Variants in ANKAR observed in about 807,000 individuals in gnomAD.
The protein encoded by ANKAR is ankyrin and armadillo repeat-containing protein.
In ANKAR, 136 loss-of-function variants were observed where a neutral mutation model predicts 146.2. That is an observed-to-expected ratio of 0.93 (90% CI 0.81 to 1.07). The LOEUF (loss-of-function observed/expected upper bound fraction) is 1.07, where lower values mean the gene tolerates loss of function less well. ANKAR is among the 50% of genes least tolerant of loss of function. ANKAR has a pLI of 0.00. For missense variants in ANKAR, 1,567 were observed against 1,679.9 expected, an observed-to-expected ratio of 0.93 and a Z score of 1.18; for synonymous variants, 500 against 575.8, an observed-to-expected ratio of 0.87 and a Z score of 1.88.
At chr2:189,733,085 T>C in intron 16 of ANKAR, 22 bp from the exon 17 acceptor site, 1 of 1,588,968 alleles carries the variant, frequency 6.3e-7, no homozygotes, top group Non-Finnish European at 8.6e-7. Flanking sequence ...TGAAAAGTAA[T>C]TTCTGAAAAC....
chr2:189,695,668 A>C (rs999734546), intron 6 of ANKAR, among the ~76,000 whole-genome samples: 2 of 152,248 alleles, frequency 1.3e-5, no homozygotes, highest in African/African-American at 4.8e-5. Context: ...ACCAGCTTCA[A>C]AGGTTAGACT....
intron 7 of ANKAR, among the ~76,000 whole-genome samples, chr2:189,697,887 T>C (rs1010622009): frequency 1.5e-4 from 3 of 19,674 alleles, no homozygotes; most frequent in African/African-American, 3.0e-4. Context: ...AGGTCTGCTT[T>C]TAATGCGTTG....
intron 10 of ANKAR, among the ~76,000 whole-genome samples, chr2:189,716,298 GACAA>G (rs2040453994): frequency 6.6e-6 from 1 of 152,086 alleles, no homozygotes; most frequent in Non-Finnish European, 1.5e-5. Context: ...ACCAATAATA[GACAA>G]ACAGAGAGCC....
rs73048424 is a variant in ANKAR, at chr2:189,684,303, T to A, written c.602-5224T>A. Among the ~76,000 whole-genome samples the A allele has an allele frequency of 8.4e-3, 1,274 of 152,208 alleles. 20 individuals carry two copies. Among genetic ancestry groups the A allele is most frequent in the African/African-American group, 0.028 (1,176 of 41,526 alleles). ...TCCACTTTCTTCCTAGGGTTATTGC[T>A]ACTCATTTTTTGAGACTTGATTCAG... On this transcript the variant is annotated intron_variant, in intron 2 of 22. Coordinates refer to ENST00000684021, the MANE Select transcript of ANKAR (RefSeq NM_001378068.1).
intron 22 of ANKAR, 70 bp from the exon 23 acceptor site, chr2:189,746,309 CA>C (rs748532746): frequency 2.9e-5 from 42 of 1,445,072 alleles, no homozygotes; most frequent in African/African-American, 5.7e-5. Context: ...AATAGAACTA[CA>C]TAGAAGTAGA....
At position 189,709,135 on chromosome 2, in the gene ANKAR, CT is replaced by C. The variant is rs1435494783; in HGVS notation, c.2120-1913del. On this transcript the variant is annotated intron_variant, in intron 9 of 22. Coordinates refer to ENST00000684021, the MANE Select transcript of ANKAR (RefSeq NM_001378068.1). ...ATAAATAAATAAATAAGGAAATTAC[CT>C]GTTTAAAAAAAAAGAGACACGACCA... is the stretch of plus-strand genomic sequence containing the variant. 2.1e-5 allele frequency among the ~76,000 whole-genome samples: 3 copies of C among 143,758 alleles called. No individual in the cohort carries two copies. In the South Asian group the frequency reaches 6.5e-4, roughly 31 times the overall value. The allele number at this position is 143,758 out of a possible 152,430, so 94.3% of individuals were successfully genotyped here.
At chr2:189,738,845 G>A (rs1207807438) in intron 19 of ANKAR, among the ~76,000 whole-genome samples, 163 bp downstream of exon 19, 3 of 152,130 alleles carry the variant, frequency 2.0e-5, no homozygotes, top group Non-Finnish European at 4.4e-5. Flanking sequence ...AAGTCTACAC[G>A]AAACAATGGG....
chr2:189,729,715 T>TGTGTGTGTGTGTGTGG lies in ANKAR; in HGVS notation c.3194-779_3194-778insTGTGTGTGTGTGTGGG, dbSNP rs61101787. On this transcript the variant is annotated intron_variant, in intron 15 of 22. Transcript: ENST00000684021. ...CTGTGCGTGTGTGTGTGTGTGTGTGTGGTGCGGGTGGGGGGTTTGTGGGGA... is the reference window on the plus strand; with the variant it reads ...CTGTGCGTGTGTGTGTGTGTGTGTGTGTGTGTGTGTGTGTGGGGTGCGGGTGGGGGGTTTGTGGGGA... 6.1e-4 allele frequency among the ~76,000 whole-genome samples: 86 copies of TGTGTGTGTGTGTGTGG among 141,456 alleles called. 1 individual carries two copies. The highest frequency in any genetic ancestry group is 8.8e-4 in the Admixed American group (12 of 13,650). 92.8% of individuals were successfully genotyped at this position (141,456 alleles called of 152,430 possible).
At position 189,718,495 on chromosome 2, in the gene ANKAR, T is replaced by C. The variant is rs145761783; in HGVS notation, c.2225-1077T>C. 7.4e-3 allele frequency among the ~76,000 whole-genome samples: 1,130 copies of C among 152,266 alleles called. 4 individuals are homozygous for C. Among genetic ancestry groups the C allele is most frequent in the Non-Finnish European group, 0.012 (800 of 68,024 alleles). On this transcript the variant is annotated intron_variant, in intron 10 of 22. Transcript: ENST00000684021. Reference sequence around the variant, plus strand: ...CTCCAGAAATATTAAATGAATAAATTAAAATTTGATTGATCATAGATAGTC... The same window carrying C: ...CTCCAGAAATATTAAATGAATAAATCAAAATTTGATTGATCATAGATAGTC...
chr2:189,680,967 G>C lies in ANKAR; in HGVS notation c.601+3876G>C, dbSNP rs74799442. 6.5e-3 allele frequency among the ~76,000 whole-genome samples: 983 copies of C among 152,070 alleles called. 10 individuals are homozygous for C. Among genetic ancestry groups the C allele is most frequent in the African/African-American group, 0.023 (937 of 41,466 alleles). ...TGAGGTCCACGGAGGTTAAGGATCAGCAAGAGTGCTTGGTAGTTTCCAACA... is the reference window on the plus strand; with the variant it reads ...TGAGGTCCACGGAGGTTAAGGATCACCAAGAGTGCTTGGTAGTTTCCAACA... On this transcript the variant is annotated intron_variant, in intron 2 of 22. Transcript: ENST00000684021.
At chr2:189,732,238 G>C (rs1445231405) in intron 16 of ANKAR, among the ~76,000 whole-genome samples, 1 of 152,058 alleles carries the variant, frequency 6.6e-6, no homozygotes, top group Non-Finnish European at 1.5e-5. Flanking sequence ...TATCTACTGA[G>C]TCCCAATAAT....
intron 10 of ANKAR, among the ~76,000 whole-genome samples, chr2:189,712,739 C>T (rs965315215): frequency 1.3e-5 from 2 of 152,144 alleles, no homozygotes; most frequent in Non-Finnish European, 2.9e-5. Context: ...CAGCTCCTTG[C>T]CAGCAACAGA....
chr2:189,699,105 G>A (rs2037688025), intron 7 of ANKAR, among the ~76,000 whole-genome samples: 1 of 152,124 alleles, frequency 6.6e-6, no homozygotes, highest in Non-Finnish European at 1.5e-5. Context: ...AAAAACGCTT[G>A]GCCTTCATAG....
chr2:189,751,737 G>A (rs999980448), intron 18 of ANKAR, among the ~76,000 whole-genome samples: 3 of 151,884 alleles, frequency 2.0e-5, no homozygotes, highest in Middle Eastern at 3.4e-3. Context: ...GAGCCACCAT[G>A]CCTGGCCAAT....
chr2:189,707,433 C>T (rs1574509881), intron 9 of ANKAR, among the ~76,000 whole-genome samples: 1 of 88,656 alleles, frequency 1.1e-5, no homozygotes, highest in African/African-American at 4.4e-5. Context: ...TCCAGAAGTT[C>T]AAACATCCTC....
At chr2:189,719,102 A>G (rs997683973) in intron 10 of ANKAR, among the ~76,000 whole-genome samples, 1 of 152,204 alleles carries the variant, frequency 6.6e-6, no homozygotes, top group African/African-American at 2.4e-5. Context: ...TAATGAGACT[A>G]ATGTTGCATT....
chr2:189,711,394 T>A (rs1347857148), intron 10 of ANKAR, among the ~76,000 whole-genome samples: 2 of 152,178 alleles, frequency 1.3e-5, no homozygotes, highest in East Asian at 3.9e-4. Context: ...AATTAAAAAA[T>A]AATGTTAAGT....
chr2:189,687,673 A>G (rs937466067), intron 2 of ANKAR, among the ~76,000 whole-genome samples: 1 of 152,130 alleles, frequency 6.6e-6, no homozygotes, highest in Non-Finnish European at 1.5e-5. Flanking sequence ...GTAAGATGAT[A>G]TCTTATTATA....
intron 16 of ANKAR, 80 bp from the exon 17 acceptor site, chr2:189,733,027 C>A: frequency 7.5e-7 from 1 of 1,341,980 alleles, no homozygotes; most frequent in Non-Finnish European, 1.0e-6. Context: ...ACAATGTATT[C>A]TATATAAATG....
Sources: gnomAD v4.1 joint callset for allele counts (sites outside exome capture counted in the v4.1 genomes callset) on GRCh38, gnomAD v4.1.1 for gene constraint, MANE v1.5 for transcripts, NCBI Gene and HGNC (gene_info 2026-07-23, HGNC 2026-07-21) for gene names.